SDCCAG8: variants seen among roughly 807,000 people sequenced by gnomAD.
The protein encoded by SDCCAG8 is SHH signaling and ciliogenesis regulator SDCCAG8, also known as serologically defined colon cancer antigen 8.
SDCCAG8 carries 74 observed loss-of-function variants against 101.8 expected under a neutral mutation model. The observed-to-expected ratio is 0.73, with a 90% CI of 0.60 to 0.88. The LOEUF (loss-of-function observed/expected upper bound fraction) is 0.88, where lower values mean the gene tolerates loss of function less well. Among genes scored for constraint, SDCCAG8 ranks in the 40% least tolerant of loss-of-function variants. The probability of loss-of-function intolerance (pLI) is 0.00; values close to 1 mark genes in which losing one functional copy is unlikely to be tolerated. For synonymous variants in SDCCAG8, 281 were observed against 292.9 expected (o/e 0.96, Z 0.41); for missense variants, 787 against 822.6 (o/e 0.96, Z 0.53).
intron 16 of SDCCAG8, among the ~76,000 whole-genome samples, chr1:243,463,532 G>A (rs1052791028): frequency 1.3e-5 from 2 of 152,158 alleles, no homozygotes; most frequent in Admixed American, 1.3e-4. Context: ...TCCTGTGTCT[G>A]TCCAGCCCCA....
At chr1:243,478,886 A>C (rs1662932404) in intron 16 of SDCCAG8, among the ~76,000 whole-genome samples, 1 of 135,426 alleles carries the variant, frequency 7.4e-6, no homozygotes, top group African/African-American at 2.8e-5. Flanking sequence ...TGAACCCGGG[A>C]GGCGGAGGTT....
rs775278964 is a variant in SDCCAG8 at position 243,270,969 on chromosome 1, G to C, written c.221-9G>C. 6.2e-7 allele frequency: 1 copy of C among 1,602,914 alleles called. No individual in the cohort carries two copies. Among genetic ancestry groups the C allele is most frequent in the East Asian group, 2.2e-5 (1 of 44,744 alleles). ...TAAGGTTAATAAACCCTCTGCTTTT[G>C]CTCTATAGTTAATCAGCTCAAAGAT... On this transcript the variant is annotated splice_polypyrimidine_tract_variant and intron_variant, in intron 2 of 17. Coordinates refer to ENST00000366541, the MANE Select transcript of SDCCAG8 (RefSeq NM_006642.5).
chr1:243,312,136 A>T (rs963482325), intron 8 of SDCCAG8, among the ~76,000 whole-genome samples: 3 of 152,316 alleles, frequency 2.0e-5, no homozygotes, highest in African/African-American at 7.2e-5. Context: ...AACTTAACTA[A>T]TGCAGAGTGC....
intron 12 of SDCCAG8, among the ~76,000 whole-genome samples, chr1:243,349,935 A>C (rs2075988412): frequency 6.6e-6 from 1 of 152,160 alleles, no homozygotes; most frequent in Admixed American, 6.5e-5. Flanking sequence ...GAGCAATCAA[A>C]GCAAATATTC....
intron 1 of SDCCAG8, 118 bp downstream of exon 1, chr1:243,256,358 A>G (rs1429397684): frequency 1.3e-6 from 1 of 790,758 alleles, no homozygotes; most frequent in Non-Finnish European, 2.3e-6. Flanking sequence ...ACAGAGGAGC[A>G]AGATGGATGT....
intron 9 of SDCCAG8, among the ~76,000 whole-genome samples, chr1:243,328,195 C>T (rs1052805841): frequency 7.2e-5 from 11 of 152,090 alleles, no homozygotes; most frequent in Non-Finnish European, 8.8e-5. Flanking sequence ...AGCCACTGTG[C>T]CCGGCCTTAG....
chr1:243,372,243 A>G (rs1186494719), intron 12 of SDCCAG8, among the ~76,000 whole-genome samples: 1 of 152,138 alleles, frequency 6.6e-6, no homozygotes, highest in Non-Finnish European at 1.5e-5. Context: ...CAAATCCACC[A>G]GTTCCTTCTT....
At chr1:243,409,389 AATATTT>A in intron 13 of SDCCAG8, among the ~76,000 whole-genome samples, 2 of 152,286 alleles carry the variant, frequency 1.3e-5, no homozygotes, top group East Asian at 3.9e-4. Flanking sequence ...GATACAGACA[AATATTT>A]ATATTTATAT....
chr1:243,486,617 C>T (rs1024193213), intron 16 of SDCCAG8, among the ~76,000 whole-genome samples: 5 of 152,368 alleles, frequency 3.3e-5, no homozygotes, highest in South Asian at 4.1e-4. Flanking sequence ...CCAGGGTGGC[C>T]GGCCGTGACC....
chr1:243,320,271 A>G (rs1385574639), intron 9 of SDCCAG8, among the ~76,000 whole-genome samples: 1 of 152,168 alleles, frequency 6.6e-6, no homozygotes, highest in Non-Finnish European at 1.5e-5. Context: ...CTCTGGATTT[A>G]TCTATTACAC....
chr1:243,476,319 T>C (rs1662406508), intron 16 of SDCCAG8: 1 of 985,466 alleles, frequency 1.0e-6, no homozygotes, highest in Non-Finnish European at 1.2e-6. Flanking sequence ...CAGGAGTTGT[T>C]ATCAAATTAC....
intron 16 of SDCCAG8, among the ~76,000 whole-genome samples, chr1:243,466,299 A>G (rs1660137696): frequency 6.6e-6 from 1 of 152,204 alleles, no homozygotes; most frequent in African/African-American, 2.4e-5. Context: ...ATTAAATTTT[A>G]CTTTGAAGGA....
rs147429119 is a variant in SDCCAG8, at chr1:243,417,124, T to G, written c.1745-844T>G. Among the ~76,000 whole-genome samples, 7 of 152,322 alleles carry G rather than the reference T, an allele frequency of 4.6e-5. No homozygotes were observed. In the East Asian group the frequency reaches 1.3e-3, roughly 29 times the overall value. On this transcript the variant is annotated intron_variant, in intron 14 of 17. Coordinates refer to ENST00000366541, the MANE Select transcript of SDCCAG8 (RefSeq NM_006642.5). ...ACTCACATAATTCCCTCTATCACTT[T>G]CAGTAGAGATTTTCTTCCAACAGCA... is the stretch of plus-strand genomic sequence containing the variant.
intron 1 of SDCCAG8, among the ~76,000 whole-genome samples, chr1:243,266,726 T>G (rs1202250160): frequency 7.4e-6 from 1 of 135,836 alleles, no homozygotes; most frequent in Non-Finnish European, 1.6e-5. Flanking sequence ...GAGGCCGAGG[T>G]GTATTTTTCT....
At chr1:243,496,730 T>TGGTTGCCTGGGGAACAGTTCA (rs1345408175) in intron 17 of SDCCAG8, among the ~76,000 whole-genome samples, 2 of 152,358 alleles carry the variant, frequency 1.3e-5, no homozygotes, top group African/African-American at 4.8e-5. Flanking sequence ...CCCCACAGTG[T>TGGTTGCCTGGGGAACAGTTCA]GGTTGCCTGG....
chr1:243,441,042 A>G (rs2082501009), intron 16 of SDCCAG8, among the ~76,000 whole-genome samples: 1 of 152,114 alleles, frequency 6.6e-6, no homozygotes, highest in African/African-American at 2.4e-5. Flanking sequence ...GGGCCAAACC[A>G]TTTTCTCCTT....
chr1:243,316,890 C>G lies in SDCCAG8; in HGVS notation c.1065C>G (p.Thr355=). ...QISEEANFEK[T]KALIQCDQLR... Reference sequence around the variant, plus strand: ...CTGAGGAAGCCAATTTTGAAAAAACCAAGGCAAGTCTAATAAGATGCAAAT... The same window carrying G: ...CTGAGGAAGCCAATTTTGAAAAAACGAAGGCAAGTCTAATAAGATGCAAAT... Residue 355 remains threonine (T), a synonymous_variant, in exon 9 of 18, where the codon ACC becomes ACG. Transcript: ENST00000366541. 1 of 1,613,688 alleles carries G rather than the reference C, an allele frequency of 6.2e-7. No homozygotes were observed. The highest frequency in any genetic ancestry group is 8.5e-7 in the Non-Finnish European group (1 of 1,179,836).
rs562820424 is a variant in SDCCAG8, at chr1:243,390,495, T to C, written c.1616+11632T>C. Reference sequence around the variant, plus strand: ...GAAGGGCTAAGAACCCTGGTCTCAGTGTGGCCCGGGGCGGGAGAGGTTCGA... The same window carrying C: ...GAAGGGCTAAGAACCCTGGTCTCAGCGTGGCCCGGGGCGGGAGAGGTTCGA... On this transcript the variant is annotated intron_variant, in intron 13 of 17. Coordinates refer to ENST00000366541, the MANE Select transcript of SDCCAG8 (RefSeq NM_006642.5). 4.6e-5 allele frequency among the ~76,000 whole-genome samples: 7 copies of C among 152,330 alleles called. No individual in the cohort carries two copies. The South Asian group carries it at 1.4e-3, about 32-fold the overall frequency.
At chr1:243,411,267 A>G (rs1482461870) in intron 13 of SDCCAG8, among the ~76,000 whole-genome samples, 1 of 151,558 alleles carries the variant, frequency 6.6e-6, no homozygotes, top group Non-Finnish European at 1.5e-5. Flanking sequence ...GGCACACACC[A>G]CCGCATCTGG....
Sources: allele counts gnomAD v4.1 joint callset (sites outside exome capture counted in the v4.1 genomes callset), GRCh38; gene constraint gnomAD v4.1.1; transcripts MANE v1.5; gene names NCBI Gene and HGNC (gene_info 2026-07-23, HGNC 2026-07-21).